Variants in WHAMM observed in about 807,000 individuals in gnomAD.
WHAMM encodes WASP homolog-associated protein with actin, membranes and microtubules.
A neutral mutation model predicts 76.5 loss-of-function variants in WHAMM; 67 were observed. The ratio of observed to expected loss-of-function variants is 0.88; its 90% CI spans 0.72 to 1.07. The LOEUF (loss-of-function observed/expected upper bound fraction) is 1.07. WHAMM is among the 50% of genes least tolerant of loss of function. The probability of loss-of-function intolerance (pLI) is 0.00; values close to 1 mark genes in which losing one functional copy is unlikely to be tolerated. For synonymous variants in WHAMM, 419 were observed against 422.1 expected (o/e 0.99, Z 0.09); for missense variants, 1,021 against 1,051.1 (o/e 0.97, Z 0.40).
In WHAMM at chr15:82,833,898, C is replaced by CCAA. The variant is rs1465612872; in HGVS notation, c.*364_*366dup. The CCAA allele has an allele frequency of 1.0e-5, 2 of 199,832 alleles. No homozygotes were observed. Among genetic ancestry groups the CCAA allele is most frequent in the African/African-American group, 4.6e-5 (2 of 43,224 alleles). 12.4% of individuals were successfully genotyped at this position (199,832 alleles called of 1,614,324 possible). A position where few individuals can be genotyped will look rare whatever the true frequency, so the allele number is the denominator to read the frequency against. ...GGGACTACAGGCGCCACCACCTTGC[C>CCAA]CAACTAATTTTTTGTATTTTTTAGT... On this transcript the variant is annotated 3_prime_UTR_variant, in exon 10 of 10. Transcript: ENST00000286760.
At chr15:82,819,244 ATAGC>A (rs2050778947) in intron 4 of WHAMM, 75 bp from the exon 5 acceptor site, 2 of 548,774 alleles carry the variant, frequency 3.6e-6, no homozygotes, top group African/African-American at 2.0e-5. Flanking sequence ...GGAATAGAAA[ATAGC>A]TAGAATGCTT....
chr15:82,810,141 G>T lies in WHAMM; in HGVS notation c.415G>T (p.Glu139Ter), dbSNP rs987332112. 5.1e-6 allele frequency: 7 copies of T among 1,367,616 alleles called. No homozygotes were observed. The highest frequency in any genetic ancestry group is 6.6e-6 in the Non-Finnish European group (7 of 1,053,736). The allele number at this position is 1,367,616 out of a possible 1,614,324, so 84.7% of individuals were successfully genotyped here. A position where few individuals can be genotyped will look rare whatever the true frequency, so the allele number is the denominator to read the frequency against. ...LLWPTRAGPG[E>*]AALQELCGQL... is the part of the protein sequence containing the mutation. The stretch of plus-strand genomic sequence containing the variant: ...GTGGCCGACGCGCGCGGGTCCCGGC[G>T]AGGCGGCGCTGCAGGAGCTGTGCGG... Residue 139 changes from glutamate (E) to a stop codon, truncating the protein, a stop_gained, in exon 1 of 10, where the codon GAG becomes TAG. Transcript: ENST00000286760. LOFTEE classifies it high-confidence loss of function.
intron 1 of WHAMM, chr15:82,810,720 C>T (rs2050614487): frequency 2.0e-6 from 2 of 985,368 alleles, no homozygotes; most frequent in Non-Finnish European, 2.4e-6. Flanking sequence ...GTAAGCAATT[C>T]CTGTGTATGA....
intron 8 of WHAMM, among the ~76,000 whole-genome samples, chr15:82,829,089 C>T (rs184301536): frequency 3.3e-5 from 5 of 152,270 alleles, no homozygotes; most frequent in Admixed American, 3.3e-4. Flanking sequence ...ATATCTATTG[C>T]GATCAAGAAA....
chr15:82,809,731 A>G lies in WHAMM; in HGVS notation c.5A>G (p.Glu2Gly). The change falls in exon 1 of 10, where the codon GAG becomes GGG. Residue 2 changes from glutamate to glycine, a missense_variant. By Grantham distance (98) the Glu-to-Gly change is moderately conservative. This residue lies in a region of WHAMM where 501 missense variants were observed against 524.9 expected (regional missense o/e 0.95). Transcript: ENST00000286760. M[E>G]DEQPDSLEGW... ...GGGCCGCTGCTGCCGACAGCCATGGAGGACGAGCAGCCTGACAGCCTGGAG... is the reference window on the plus strand; with the variant it reads ...GGGCCGCTGCTGCCGACAGCCATGGGGGACGAGCAGCCTGACAGCCTGGAG... 1 of 1,513,006 alleles carries G rather than the reference A, an allele frequency of 6.6e-7. No homozygotes were observed. Among genetic ancestry groups the G allele is most frequent in the African/African-American group, 1.4e-5 (1 of 71,798 alleles). 93.7% of individuals were successfully genotyped at this position (1,513,006 alleles called of 1,614,324 possible). A position where few individuals can be genotyped will look rare whatever the true frequency, so the allele number is the denominator to read the frequency against.
rs1167800021 is a variant in WHAMM, at chr15:82,809,659, C to G, written c.-68C>G. On this transcript the variant is annotated 5_prime_UTR_variant, in exon 1 of 10. Transcript: ENST00000286760. Reference sequence around the variant, plus strand: ...AAAAATGATTTGGCTCGGACTGTCCCGTGACAGGCGGTGCGAGGAGGCCAG... The same window carrying G: ...AAAAATGATTTGGCTCGGACTGTCCGGTGACAGGCGGTGCGAGGAGGCCAG... 4 of 1,268,034 alleles carry G rather than the reference C, an allele frequency of 3.2e-6. No homozygotes were observed. Among genetic ancestry groups the G allele is most frequent in the Admixed American group, 6.8e-5 (2 of 29,562 alleles). 78.5% of individuals were successfully genotyped at this position (1,268,034 alleles called of 1,614,324 possible). A position where few individuals can be genotyped will look rare whatever the true frequency, so the allele number is the denominator to read the frequency against.
At chr15:82,825,830 A>G (rs1372708327) in intron 6 of WHAMM, among the ~76,000 whole-genome samples, 1 of 152,068 alleles carries the variant, frequency 6.6e-6, no homozygotes, top group Non-Finnish European at 1.5e-5. Context: ...TACAAATTTC[A>G]TGTGAGGATA....
Position 82,823,271 on chromosome 15 carries a change from C to G in WHAMM, c.1442C>G (p.Ser481Cys). ...GGCAGGATCTGTGCCAAAAGAGCCTCTCTCCGGAGTAGAAAGGTAGGTACG... is the reference window on the plus strand; with the variant it reads ...GGCAGGATCTGTGCCAAAAGAGCCTGTCTCCGGAGTAGAAAGGTAGGTACG... ...KRGRICAKRA[S>C]LRSRKDQCKE... is the part of the protein sequence containing the mutation. The change falls in exon 6 of 10, where the codon TCT becomes TGT. Residue 481 changes from serine (S) to cysteine (C), a missense_variant. Around this residue, in one of 3 missense-constraint regions of WHAMM, gnomAD observed 509 missense variants for 492.3 expected, o/e 1.03. Coordinates refer to ENST00000286760, the MANE Select transcript of WHAMM (RefSeq NM_001080435.3). 1.3e-6 allele frequency: 2 copies of G among 1,525,546 alleles called. No individual in the cohort carries two copies. Among genetic ancestry groups the G allele is most frequent in the Non-Finnish European group, 8.8e-7 (1 of 1,131,850 alleles). 94.5% of individuals were successfully genotyped at this position (1,525,546 alleles called of 1,614,324 possible). A position where few individuals can be genotyped will look rare whatever the true frequency, so the allele number is the denominator to read the frequency against.
chr15:82,833,199 A>T, intron 9 of WHAMM, 30 bp from the exon 10 acceptor site: 3 of 1,595,286 alleles, frequency 1.9e-6, no homozygotes, highest in Non-Finnish European at 2.6e-6. Flanking sequence ...TGTTTTATTG[A>T]TAGTACTAGC....
In WHAMM at chr15:82,818,128, A is replaced by G. The variant is rs747454011; in HGVS notation, c.1104+39A>G. 5.1e-5 allele frequency: 77 copies of G among 1,512,318 alleles called. 1 individual carries two copies. In the South Asian group the frequency reaches 8.6e-4, roughly 17 times the overall value. 93.7% of individuals were successfully genotyped at this position (1,512,318 alleles called of 1,614,324 possible). Reference sequence around the variant, plus strand: ...AAACATAACTTTGTTTTAAAAATACACTTTTATTTTTAAAACATTTTGTAT... The same window carrying G: ...AAACATAACTTTGTTTTAAAAATACGCTTTTATTTTTAAAACATTTTGTAT... On this transcript the variant is annotated intron_variant, in intron 4 of 9. Transcript: ENST00000286760.
At position 82,830,743 on chromosome 15, in the gene WHAMM, G is replaced by T. The variant is rs773358687; in HGVS notation, c.1786G>T (p.Val596Phe). Reference protein sequence around the residue: ...IHPSSRKTRGVPLSEAGNVKS... With the variant: ...IHPSSRKTRGFPLSEAGNVKS... Reference sequence around the variant, plus strand: ...CCCGTCCTCTAGGAAAACTAGAGGTGTTCCCCTATCGGAAGCTGGTAATGT... The same window carrying T: ...CCCGTCCTCTAGGAAAACTAGAGGTTTTCCCCTATCGGAAGCTGGTAATGT... The change falls in exon 9 of 10, where the codon GTT becomes TTT. Residue 596 changes from valine to phenylalanine, a missense_variant. Physicochemically the swap from Val to Phe is conservative, Grantham distance 50. Around this residue, in one of 3 missense-constraint regions of WHAMM, gnomAD observed 509 missense variants for 492.3 expected, o/e 1.03. Coordinates refer to ENST00000286760, the MANE Select transcript of WHAMM (RefSeq NM_001080435.3). 6.2e-7 allele frequency: 1 copy of T among 1,613,986 alleles called. No individual in the cohort carries two copies. The highest frequency in any genetic ancestry group is 1.3e-5 in the African/African-American group (1 of 75,042).
At position 82,816,677 on chromosome 15, in the gene WHAMM, C is replaced by G; in HGVS notation, c.784-15C>G. ...TATTAGCTCTTACTAAGAAAATTTT[C>G]CCTTCTGTCTGTAGAAGTCTTTGGA... On this transcript the variant is annotated splice_polypyrimidine_tract_variant and intron_variant, in intron 2 of 9. Transcript: ENST00000286760. The G allele has an allele frequency of 6.5e-7, 1 of 1,531,300 alleles. No individual in the cohort carries two copies. The highest frequency in any genetic ancestry group is 8.8e-7 in the Non-Finnish European group (1 of 1,141,768). 94.9% of individuals were successfully genotyped at this position (1,531,300 alleles called of 1,614,324 possible). A position where few individuals can be genotyped will look rare whatever the true frequency, so the allele number is the denominator to read the frequency against.
At chr15:82,829,529 G>A (rs370103105) in intron 8 of WHAMM, among the ~76,000 whole-genome samples, 13 of 152,208 alleles carry the variant, frequency 8.5e-5, no homozygotes, top group Non-Finnish European at 1.5e-5. Context: ...GCTGCAGGAC[G>A]GCAGCTGCAT....
chr15:82,810,451 C>G (rs1596274837), intron 1 of WHAMM, 116 bp downstream of exon 1: 1 of 1,220,200 alleles, frequency 8.2e-7, no homozygotes, highest in South Asian at 3.4e-5. Context: ...AGCCGGCGGG[C>G]GGAGAAGGCC....
At chr15:82,824,490 T>A (rs1250619590) in intron 6 of WHAMM, among the ~76,000 whole-genome samples, 2 of 152,068 alleles carry the variant, frequency 1.3e-5, no homozygotes, top group Non-Finnish European at 2.9e-5. Context: ...CTGGCTAATT[T>A]TTGTATTTTT....
intron 3 of WHAMM, among the ~76,000 whole-genome samples, chr15:82,817,454 C>T (rs1348132839): frequency 6.6e-6 from 1 of 152,132 alleles, no homozygotes; most frequent in African/African-American, 2.4e-5. Flanking sequence ...AACTTAACGT[C>T]TGTCAGTTTG....
chr15:82,817,854 T>C, intron 3 of WHAMM, 66 bp from the exon 4 acceptor site: 1 of 1,319,142 alleles, frequency 7.6e-7, no homozygotes, highest in Non-Finnish European at 9.9e-7. Context: ...AAAAAAGGAT[T>C]AGCTCATGAT....
chr15:82,811,214 A>C (rs2050622726), intron 1 of WHAMM, among the ~76,000 whole-genome samples: 1 of 152,120 alleles, frequency 6.6e-6, no homozygotes, highest in Non-Finnish European at 1.5e-5. Context: ...TGTGGGTTTT[A>C]TGTGTAAATA....
chr15:82,823,388 A>C (rs535807136), intron 6 of WHAMM, 101 bp downstream of exon 6: 5 of 1,075,498 alleles, frequency 4.6e-6, no homozygotes, highest in Non-Finnish European at 6.0e-6. Context: ...CAACACAGTG[A>C]TTACATTTTG....
Sources: gnomAD v4.1 joint callset for allele counts (sites outside exome capture counted in the v4.1 genomes callset) on GRCh38, gnomAD v4.1.1 for gene constraint, gnomAD v4.1.1 regional missense constraint, MANE v1.5 for transcripts, NCBI Gene and HGNC (gene_info 2026-07-23, HGNC 2026-07-21) for gene names.